PHF20L1: variants seen among roughly 807,000 people sequenced by gnomAD.
The protein encoded by PHF20L1 is PHD finger protein 20-like protein 1.
Under a neutral mutation model 125.5 loss-of-function variants are expected in PHF20L1, and 44 were observed. The ratio of observed to expected loss-of-function variants is 0.35; its 90% CI spans 0.28 to 0.45. The LOEUF (loss-of-function observed/expected upper bound fraction) is 0.45, where lower values mean the gene tolerates loss of function less well. Ranked by LOEUF, PHF20L1 falls within the 20% of genes least tolerant of loss-of-function variation. The pLI is 1.00. For synonymous variants in PHF20L1, 380 were observed against 403.1 expected, an observed-to-expected ratio of 0.94 and a Z score of 0.69; for missense variants, 1,012 against 1,217.2, an observed-to-expected ratio of 0.83 and a Z score of 2.51.
intron 14 of PHF20L1, among the ~76,000 whole-genome samples, chr8:132,828,457 A>G (rs1836429648): frequency 6.6e-6 from 1 of 152,034 alleles, no homozygotes; most frequent in South Asian, 2.1e-4. Flanking sequence ...ATGCTATGTT[A>G]TTAATACCTG....
intron 2 of PHF20L1, among the ~76,000 whole-genome samples, chr8:132,784,321 T>A (rs1830765822): frequency 6.6e-6 from 1 of 152,214 alleles, no homozygotes. Context: ...TAAATTAAAC[T>A]GGAAGTCATA....
intron 2 of PHF20L1, among the ~76,000 whole-genome samples, chr8:132,791,553 G>A (rs1279798505): frequency 1.3e-5 from 2 of 152,048 alleles, no homozygotes; most frequent in South Asian, 2.1e-4. Flanking sequence ...GTGGCTGGCC[G>A]AGTTGTTTCG....
intron 7 of PHF20L1, 59 bp from the exon 8 acceptor site, chr8:132,804,556 T>A (rs745612950): frequency 7.3e-7 from 1 of 1,361,002 alleles, no homozygotes; most frequent in Non-Finnish European, 1.0e-6. Flanking sequence ...TGTTAAAAAA[T>A]CATGTGTTTT....
At chr8:132,776,329 C>T (rs1829757056) in intron 1 of PHF20L1, among the ~76,000 whole-genome samples, 1 of 152,084 alleles carries the variant, frequency 6.6e-6, no homozygotes, top group Admixed American at 6.6e-5. Flanking sequence ...TGTTAGTGTA[C>T]CTTGTGAACT....
At chr8:132,836,844 G>A in intron 16 of PHF20L1, 123 bp downstream of exon 16, 2 of 681,134 alleles carry the variant, frequency 2.9e-6, no homozygotes, top group South Asian at 1.9e-5. Flanking sequence ...AACTTACTGT[G>A]TGGAAAATAC....
rs1837392541 is a variant in PHF20L1 at position 132,836,680 on chromosome 8, T to C, written c.2050T>C (p.Cys684Arg). Residue 684 changes from cysteine to arginine, a missense_variant, in exon 16 of 21, where the codon TGT (cysteine) becomes CGT (arginine). This residue lies in a region of PHF20L1 where 320 missense variants were observed against 293.8 expected (regional missense o/e 1.09). Transcript: ENST00000395386. Reference sequence around the variant, plus strand: ...TGATGCTCTTAATGAAATTGTGCGATGTATTTGTGAGATGGATGAGGAGAA... The same window carrying C: ...TGATGCTCTTAATGAAATTGTGCGACGTATTTGTGAGATGGATGAGGAGAA... ...EDDALNEIVR[C>R]ICEMDEENGF... The C allele has an allele frequency of 6.2e-7, 1 of 1,613,166 alleles. No homozygotes were observed. The highest frequency in any genetic ancestry group is 8.5e-7 in the Non-Finnish European group (1 of 1,179,432).
At chr8:132,777,766 A>C in intron 1 of PHF20L1, 26 bp from the exon 2 acceptor site, 2 of 1,029,594 alleles carry the variant, frequency 1.9e-6, no homozygotes, top group Admixed American at 3.5e-5. Context: ...TCTGCATTGG[A>C]ATCTAACTTT....
intron 2 of PHF20L1, among the ~76,000 whole-genome samples, chr8:132,789,821 AAG>A (rs1831467561): frequency 6.6e-6 from 1 of 152,146 alleles, no homozygotes; most frequent in African/African-American, 2.4e-5. Flanking sequence ...TTTAAAGGGT[AAG>A]AGAGCTCTAT....
At chr8:132,804,829 AT>A in intron 8 of PHF20L1, 89 bp downstream of exon 8, 1 of 1,130,888 alleles carries the variant, frequency 8.8e-7, no homozygotes, top group Non-Finnish European at 1.3e-6. Context: ...AATGGTTTTG[AT>A]TTAGTGTCAT....
At chr8:132,807,412 A>G (rs1342252146) in intron 8 of PHF20L1, 1 of 163,000 alleles carries the variant, frequency 6.1e-6, no homozygotes, top group Non-Finnish European at 1.3e-5. Flanking sequence ...TAAAGGAAAA[A>G]AACATCAGCA....
In PHF20L1 at chr8:132,794,498, A is replaced by G. The variant is rs1343333328; in HGVS notation, c.172A>G (p.Ile58Val). The G allele has an allele frequency of 1.2e-6, 2 of 1,610,828 alleles. No individual in the cohort carries two copies. The highest frequency in any genetic ancestry group is 2.2e-5 in the East Asian group (1 of 44,838). The change falls in exon 3 of 21, where the codon ATT becomes GTT. Residue 58 changes from isoleucine (I) to valine (V), a missense_variant. This residue lies in a region of PHF20L1 where 94 missense variants were observed against 179.5 expected (regional missense o/e 0.52). Coordinates refer to ENST00000395386, the MANE Select transcript of PHF20L1 (RefSeq NM_016018.5). ...ERWSHRYDEW[I>V]YWDSNRLRPL... is the part of the protein sequence containing the mutation. ...CTGGAGTCATCGTTATGATGAGTGG[A>G]TTTACTGGGATAGCAATAGATTGCG... is the stretch of plus-strand genomic sequence containing the variant.
At position 132,775,548 on chromosome 8, in the gene PHF20L1, GGGCGGA is replaced by G; in HGVS notation, c.-131_-126del. Reference sequence around the variant, plus strand: ...CCTGCTCCCTCCCCGGCCGCTGCCTGGGCGGAGGCAGAGGCAGAGGCCCGGGCTGGC... The same window carrying G: ...CCTGCTCCCTCCCCGGCCGCTGCCTGGGCAGAGGCAGAGGCCCGGGCTGGC... On this transcript the variant is annotated 5_prime_UTR_variant, in exon 1 of 21. Coordinates refer to ENST00000395386, the MANE Select transcript of PHF20L1 (RefSeq NM_016018.5). The G allele has an allele frequency of 2.7e-6, 1 of 368,066 alleles. No individual in the cohort carries two copies. Among genetic ancestry groups the G allele is most frequent in the Non-Finnish European group, 4.8e-6 (1 of 206,188 alleles). The allele number at this position is 368,066 out of a possible 1,614,324, so 22.8% of individuals were successfully genotyped here.
chr8:132,843,971 CA>C, intron 19 of PHF20L1, 184 bp from the exon 20 acceptor site: 1 of 985,222 alleles, frequency 1.0e-6, no homozygotes, highest in Non-Finnish European at 1.2e-6. Flanking sequence ...GTGGTGGGTG[CA>C]TCAGCTCTTA....
chr8:132,788,650 A>G (rs923164709), intron 2 of PHF20L1, among the ~76,000 whole-genome samples: 2 of 152,028 alleles, frequency 1.3e-5, no homozygotes, highest in African/African-American at 4.8e-5. Flanking sequence ...ATTTTAAATT[A>G]GAAGATAAAT....
chr8:132,802,360 A>T (rs1833171879), intron 6 of PHF20L1, among the ~76,000 whole-genome samples: 2 of 151,080 alleles, frequency 1.3e-5, no homozygotes, highest in African/African-American at 4.9e-5. Flanking sequence ...CCCTTTCCCT[A>T]GCAAATTCCT....
chr8:132,813,401 T>C (rs1297235862), intron 9 of PHF20L1, among the ~76,000 whole-genome samples: 1 of 151,960 alleles, frequency 6.6e-6, no homozygotes. Flanking sequence ...CTATAGAGCA[T>C]TGAAGGTGCC....
At chr8:132,835,641 CTAAAAA>C (rs1417414377) in intron 15 of PHF20L1, among the ~76,000 whole-genome samples, 2 of 152,088 alleles carry the variant, frequency 1.3e-5, no homozygotes, top group East Asian at 3.9e-4. Context: ...TATGCTTAAT[CTAAAAA>C]TATATTTTTA....
rs780722454 is a variant in PHF20L1, at chr8:132,845,959, T to A, written c.*36T>A. 6.4e-7 allele frequency: 1 copy of A among 1,564,846 alleles called. No individual in the cohort carries two copies. The highest frequency in any genetic ancestry group is 8.8e-7 in the Non-Finnish European group (1 of 1,141,638). ...CACTTAATGAAAGAATGTGGCTTTC[T>A]TCAGTCAAAGCATTTTTATTATCCA... On this transcript the variant is annotated 3_prime_UTR_variant, in exon 21 of 21. Transcript: ENST00000395386.
chr8:132,789,314 A>T (rs1414742815), intron 2 of PHF20L1, among the ~76,000 whole-genome samples: 1 of 152,092 alleles, frequency 6.6e-6, no homozygotes, highest in Admixed American at 6.6e-5. Context: ...AACATATCAG[A>T]TAATGCAATA....
Sources: gnomAD v4.1 joint callset for allele counts (sites outside exome capture counted in the v4.1 genomes callset) on GRCh38, gnomAD v4.1.1 for gene constraint, gnomAD v4.1.1 regional missense constraint, MANE v1.5 for transcripts, NCBI Gene and HGNC (gene_info 2026-07-23, HGNC 2026-07-21) for gene names.